ARHGAP10: variants seen among roughly 807,000 people sequenced by gnomAD.
The protein encoded by ARHGAP10 is Rho GTPase activating protein 10.
In ARHGAP10, 87 loss-of-function variants were observed where a neutral mutation model predicts 108.6. That is an observed-to-expected ratio of 0.80 (90% CI 0.67 to 0.96). The LOEUF (loss-of-function observed/expected upper bound fraction) is 0.96. Among genes scored for constraint, ARHGAP10 ranks in the 40% least tolerant of loss-of-function variants. ARHGAP10 has a pLI of 0.00. For missense variants in ARHGAP10, 939 were observed against 954.5 expected (o/e 0.98, Z 0.21); for synonymous variants, 347 against 341.1 (o/e 1.02, Z -0.19).
chr4:147,840,951 G>T (rs748484535), intron 3 of ARHGAP10, among the ~76,000 whole-genome samples: 5 of 152,178 alleles, frequency 3.3e-5, no homozygotes, highest in African/African-American at 4.8e-5. Flanking sequence ...ATCCTTTCAG[G>T]CAGGGTTTGG....
At chr4:147,974,157 G>A (rs1739510806) in intron 18 of ARHGAP10, among the ~76,000 whole-genome samples, 1 of 151,800 alleles carries the variant, frequency 6.6e-6, no homozygotes. Flanking sequence ...AGTGTACAGG[G>A]GTTCTCTTTT....
intron 13 of ARHGAP10, among the ~76,000 whole-genome samples, chr4:147,929,566 G>GT (rs1737589269): frequency 6.6e-6 from 1 of 152,150 alleles, no homozygotes; most frequent in African/African-American, 2.4e-5. Context: ...CTGAGGACTA[G>GT]TTATAAATAT....
chr4:147,985,068 G>C (rs1188163757), intron 18 of ARHGAP10, among the ~76,000 whole-genome samples: 1 of 152,162 alleles, frequency 6.6e-6, no homozygotes, highest in African/African-American at 2.4e-5. Flanking sequence ...AGGCAGTGGA[G>C]CTGCCTAATC....
intron 9 of ARHGAP10, 42 bp downstream of exon 9, chr4:147,879,380 GAGGT>G: frequency 6.4e-7 from 1 of 1,551,124 alleles, no homozygotes; most frequent in Non-Finnish European, 8.8e-7. Flanking sequence ...TAATCTGTCA[GAGGT>G]AGTGTTTGAG....
intron 1 of ARHGAP10, among the ~76,000 whole-genome samples, chr4:147,749,550 C>T (rs895459344): frequency 6.6e-6 from 1 of 152,136 alleles, no homozygotes; most frequent in South Asian, 2.1e-4. Context: ...GAAATTAGAA[C>T]ATATGTATTT....
chr4:147,943,180 G>A (rs1349825677), intron 14 of ARHGAP10, among the ~76,000 whole-genome samples: 2 of 152,210 alleles, frequency 1.3e-5, no homozygotes, highest in African/African-American at 4.8e-5. Flanking sequence ...AAACATCAGA[G>A]TGGAAGAAGA....
At chr4:147,873,119 G>T (rs1386257482) in intron 7 of ARHGAP10, among the ~76,000 whole-genome samples, 1 of 152,158 alleles carries the variant, frequency 6.6e-6, no homozygotes, top group Admixed American at 6.5e-5. Context: ...CCAGATCTTG[G>T]TTTCCAAATA....
intron 1 of ARHGAP10, among the ~76,000 whole-genome samples, chr4:147,810,679 C>T (rs2126771609): frequency 6.6e-6 from 1 of 152,234 alleles, no homozygotes; most frequent in Non-Finnish European, 1.5e-5. Flanking sequence ...CAGTGATTTG[C>T]CTCCACATCA....
intron 18 of ARHGAP10, among the ~76,000 whole-genome samples, chr4:148,003,430 T>A (rs1458037383): frequency 1.3e-5 from 2 of 152,192 alleles, no homozygotes; most frequent in Non-Finnish European, 2.9e-5. Flanking sequence ...GTCTATTAGG[T>A]CCACTTGGTG....
chr4:147,900,902 A>G (rs1736210097), intron 10 of ARHGAP10, among the ~76,000 whole-genome samples: 1 of 152,184 alleles, frequency 6.6e-6, no homozygotes, highest in South Asian at 2.1e-4. Flanking sequence ...TCCTGGGTTC[A>G]AGCAATCCTC....
At chr4:147,744,390 G>A (rs1280410450) in intron 1 of ARHGAP10, among the ~76,000 whole-genome samples, 1 of 152,056 alleles carries the variant, frequency 6.6e-6, no homozygotes, top group Non-Finnish European at 1.5e-5. Flanking sequence ...AGGGGGTGGG[G>A]GAGGGTCAAG....
chr4:147,855,478 TAA>T (rs1347250353), intron 4 of ARHGAP10, among the ~76,000 whole-genome samples: 2 of 152,188 alleles, frequency 1.3e-5, no homozygotes, highest in African/African-American at 4.8e-5. Flanking sequence ...TAAAGAAAAA[TAA>T]AGTCTTCTGA....
intron 1 of ARHGAP10, among the ~76,000 whole-genome samples, chr4:147,813,382 A>G (rs1732110876): frequency 6.6e-6 from 1 of 152,084 alleles, no homozygotes; most frequent in African/African-American, 2.4e-5. Context: ...GGCTGATTTG[A>G]TTGGGATGGG....
At chr4:147,732,944 C>G (rs891313423) in intron 1 of ARHGAP10, among the ~76,000 whole-genome samples, 2 of 152,216 alleles carry the variant, frequency 1.3e-5, no homozygotes, top group Admixed American at 1.3e-4. Flanking sequence ...TCCCCTTAAG[C>G]TTCACCTTTT....
chr4:147,900,358 T>C (rs764859338), intron 10 of ARHGAP10, among the ~76,000 whole-genome samples: 2 of 152,228 alleles, frequency 1.3e-5, no homozygotes, highest in Non-Finnish European at 2.9e-5. Context: ...ACTTGTTTAA[T>C]ATTGTTTCTT....
In ARHGAP10 at chr4:147,802,638, T is replaced by C. The variant is rs116900037; in HGVS notation, c.155-20089T>C. On this transcript the variant is annotated intron_variant, in intron 1 of 22. Transcript: ENST00000336498. ...TTGTATTGCAGGTGGCCAGCTCTGC[T>C]TCGCAGGAAACCAGCTCTGCCTCCC... 7.3e-4 allele frequency among the ~76,000 whole-genome samples: 111 copies of C among 152,374 alleles called. 1 individual carries two copies. In the East Asian group the frequency reaches 0.013, roughly 19 times the overall value.
chr4:147,865,168 G>C, intron 6 of ARHGAP10: 1 of 446,966 alleles, frequency 2.2e-6, no homozygotes, highest in Non-Finnish European at 4.0e-6. Context: ...GATAATACAC[G>C]TAATATTCCC....
At chr4:147,900,898 G>C (rs1275581880) in intron 10 of ARHGAP10, among the ~76,000 whole-genome samples, 1 of 152,106 alleles carries the variant, frequency 6.6e-6, no homozygotes, top group Non-Finnish European at 1.5e-5. Context: ...AAACTCCTGG[G>C]TTCAAGCAAT....
At chr4:147,959,874 G>A (rs942937585) in intron 16 of ARHGAP10, among the ~76,000 whole-genome samples, 1 of 152,146 alleles carries the variant, frequency 6.6e-6, no homozygotes, top group Admixed American at 6.5e-5. Context: ...GAATCCTAAA[G>A]TATTTAAACT....
Sources: allele counts gnomAD v4.1 joint callset (sites outside exome capture counted in the v4.1 genomes callset), GRCh38; gene constraint gnomAD v4.1.1; transcripts MANE v1.5; gene names NCBI Gene and HGNC (gene_info 2026-07-23, HGNC 2026-07-21).